IL7: variants seen among roughly 807,000 people sequenced by gnomAD.
IL7 encodes interleukin 7.
IL7 carries 3 observed loss-of-function variants against 21.6 expected under a neutral mutation model. The ratio of observed to expected loss-of-function variants is 0.14; its 90% CI spans 0.06 to 0.36. The LOEUF (loss-of-function observed/expected upper bound fraction) is 0.36. IL7 is among the 10% of genes least tolerant of loss of function. The probability of loss-of-function intolerance (pLI) is 1.00; values close to 1 mark genes in which losing one functional copy is unlikely to be tolerated. For missense variants in IL7, 175 were observed against 200.2 expected, an observed-to-expected ratio of 0.87 and a Z score of 0.76; for synonymous variants, 62 against 68.1, an observed-to-expected ratio of 0.91 and a Z score of 0.44.
intron 4 of IL7, among the ~76,000 whole-genome samples, chr8:78,684,452 G>GATTCAATTACATCCTA (rs1469572624): frequency 2.6e-5 from 4 of 152,182 alleles, no homozygotes; most frequent in Non-Finnish European, 5.9e-5. Flanking sequence ...CTGCCCCCGT[G>GATTCAATTACATCCTA]ATTCAATTAC....
At chr8:78,678,770 A>T (rs1308440730) in intron 4 of IL7, 3 of 784,810 alleles carry the variant, frequency 3.8e-6, no homozygotes, top group Non-Finnish European at 5.9e-6. Context: ...TTAAGAATAA[A>T]CACAATTATC....
chr8:78,709,719 T>C (rs1446672619), intron 3 of IL7, among the ~76,000 whole-genome samples: 2 of 130,464 alleles, frequency 1.5e-5, no homozygotes, highest in African/African-American at 2.8e-5. Context: ...GCTGATGAAC[T>C]AAAAAAAAAA....
intron 2 of IL7, among the ~76,000 whole-genome samples, chr8:78,747,757 G>A (rs1298054611): frequency 1.3e-5 from 2 of 152,138 alleles, no homozygotes; most frequent in East Asian, 1.9e-4. Flanking sequence ...AAAATCATAC[G>A]TGGCTCCTTC....
chr8:78,715,336 T>C, downstream of IL7: 1 of 1,603,474 alleles, frequency 6.2e-7, no homozygotes, highest in Non-Finnish European at 8.5e-7. Flanking sequence ...CAGGTATGTT[T>C]AGCTCTGCTC....
Position 78,747,188 on chromosome 8 carries a change from C to CTTTTTTTT in IL7, c.148-7114_148-7107dup, listed in dbSNP as rs1191243585. The CTTTTTTTT allele has an allele frequency of 8.2e-5, 21 of 255,194 alleles. 3 individuals carry two copies. Among genetic ancestry groups the CTTTTTTTT allele is most frequent in the African/African-American group, 4.8e-4 (13 of 27,156 alleles). The allele number at this position is 255,194 out of a possible 1,614,324, so 15.8% of individuals were successfully genotyped here. Reference sequence around the variant, plus strand: ...GTCCCTATAGAAATATACTTCATTGCTTTTTTTTTTTTTTTTTTTTTGAGA... The same window carrying CTTTTTTTT: ...GTCCCTATAGAAATATACTTCATTGCTTTTTTTTTTTTTTTTTTTTTTTTTTTTTGAGA... On this transcript the variant is annotated intron_variant, in intron 2 of 5. Transcript: ENST00000263851.
intron 2 of IL7, among the ~76,000 whole-genome samples, chr8:78,753,570 T>G (rs557880913): frequency 7.7e-4 from 118 of 152,336 alleles, no homozygotes; most frequent in Admixed American, 2.2e-3. Context: ...GCAGAAGCTC[T>G]TTAGTTTAAA....
chr8:78,728,347 G>A (rs1458067732), downstream of IL7, among the ~76,000 whole-genome samples: 1 of 151,888 alleles, frequency 6.6e-6, no homozygotes, highest in Non-Finnish European at 1.5e-5. Context: ...AAAAACTGGA[G>A]GACTCAAATG....
At chr8:78,777,345 C>T (rs543598420) in intron 2 of IL7, among the ~76,000 whole-genome samples, 21 of 152,180 alleles carry the variant, frequency 1.4e-4, no homozygotes, top group Non-Finnish European at 2.5e-4. Flanking sequence ...GCCTTGACAA[C>T]AACAGGCACC....
At chr8:78,676,825 G>A (rs1458532504) in intron 4 of IL7, among the ~76,000 whole-genome samples, 1 of 151,494 alleles carries the variant, frequency 6.6e-6, no homozygotes, top group Non-Finnish European at 1.5e-5. Context: ...CAAAAAAAAA[G>A]TGCCTTTTTT....
chr8:78,708,063 TATC>T (rs1388623420), intron 3 of IL7, among the ~76,000 whole-genome samples: 2 of 152,202 alleles, frequency 1.3e-5, no homozygotes, highest in Admixed American at 1.3e-4. Context: ...GTCACAGAAT[TATC>T]ATCTGGTACC....
At chr8:78,743,645 C>T (rs1374864987) in intron 2 of IL7, among the ~76,000 whole-genome samples, 1 of 152,160 alleles carries the variant, frequency 6.6e-6, no homozygotes, top group African/African-American at 2.4e-5. Flanking sequence ...CTTCTCTATA[C>T]TGGCTATTTT....
chr8:78,704,228 A>T (rs187628473), intron 3 of IL7, among the ~76,000 whole-genome samples: 202 of 151,972 alleles, frequency 1.3e-3, no homozygotes, highest in Non-Finnish European at 2.2e-3. Context: ...TTTAAAAAAA[A>T]AATACAAAAA....
At chr8:78,753,424 T>G (rs1409632427) in intron 2 of IL7, among the ~76,000 whole-genome samples, 1 of 152,214 alleles carries the variant, frequency 6.6e-6, no homozygotes, top group East Asian at 1.9e-4. Flanking sequence ...ATGGGTTTGT[T>G]TATTTTTTTC....
At chr8:78,705,647 A>G (rs972973166) in intron 3 of IL7, among the ~76,000 whole-genome samples, 4 of 152,112 alleles carry the variant, frequency 2.6e-5, no homozygotes, top group African/African-American at 7.2e-5. Flanking sequence ...CTGGGTCGGC[A>G]TGGGCTCTCC....
rs755472065 is a variant in IL7, at chr8:78,686,640, T to C, written n.215-693A>G. ...GGAATATTGTTGACAGAAATGTTCATGTGGAAAGAAAATAATGATAGAGTT... is the reference window on the plus strand; with the variant it reads ...GGAATATTGTTGACAGAAATGTTCACGTGGAAAGAAAATAATGATAGAGTT... On this transcript the variant is annotated intron_variant and non_coding_transcript_variant, in intron 3 of 4. Coordinates refer to the IL7 transcript ENST00000523959. The C allele has an allele frequency of 4.2e-6, 6 of 1,433,460 alleles. No individual in the cohort carries two copies. In the East Asian group the frequency reaches 1.3e-4, roughly 31 times the overall value. The allele number at this position is 1,433,460 out of a possible 1,614,324, so 88.8% of individuals were successfully genotyped here.
intron 5 of IL7, among the ~76,000 whole-genome samples, chr8:78,736,088 T>C (rs1468712584): frequency 6.6e-6 from 1 of 151,512 alleles, no homozygotes; most frequent in African/African-American, 2.4e-5. Flanking sequence ...TAAGTCCTTA[T>C]TGTTTAATTT....
At chr8:78,726,095 T>C (rs1355654534) in intron 3 of IL7, among the ~76,000 whole-genome samples, 1 of 151,770 alleles carries the variant, frequency 6.6e-6, no homozygotes, top group Non-Finnish European at 1.5e-5. Flanking sequence ...AGAAGGGAAA[T>C]GTGAGGGAGG....
At chr8:78,698,579 TTTGATAA>T in intron 3 of IL7, 1 of 1,213,560 alleles carries the variant, frequency 8.2e-7, no homozygotes, top group Non-Finnish European at 1.1e-6. Context: ...TTTGTTATGT[TTTGATAA>T]TTGCTTTTTC....
At chr8:78,801,152 T>A (rs1418490464) in intron 1 of IL7, among the ~76,000 whole-genome samples, 1 of 152,242 alleles carries the variant, frequency 6.6e-6, no homozygotes, top group African/African-American at 2.4e-5. Context: ...TGTCATTGAA[T>A]AATTAGCCCC....
Sources: gnomAD v4.1 joint callset for allele counts (sites outside exome capture counted in the v4.1 genomes callset) on GRCh38, gnomAD v4.1.1 for gene constraint, MANE v1.5 for transcripts, NCBI Gene and HGNC (gene_info 2026-07-23, HGNC 2026-07-21) for gene names.